The following TMEM41B variants were observed in gnomAD, a reference collection of about 807,000 sequenced individuals.
TMEM41B encodes protein stasimon.
TMEM41B carries 18 observed loss-of-function variants against 31.9 expected under a neutral mutation model. The observed-to-expected ratio is 0.56, with a 90% CI of 0.39 to 0.84. The LOEUF is 0.84. Among genes scored for constraint, TMEM41B ranks in the 40% least tolerant of loss-of-function variants. The pLI, the probability that TMEM41B is intolerant of heterozygous loss-of-function variation, is 0.00. For missense variants in TMEM41B, 322 were observed against 348.0 expected (o/e 0.93, Z 0.59); for synonymous variants, 144 against 124.3 (o/e 1.16, Z -1.05).
intron 3 of TMEM41B, among the ~76,000 whole-genome samples, chr11:9,291,972 C>T (rs1455397551): frequency 1.3e-5 from 2 of 152,158 alleles, no homozygotes; most frequent in African/African-American, 4.8e-5. Flanking sequence ...TCCCAAAGTA[C>T]TGGAATTATA....
At chr11:9,308,821 A>G (rs1853462551) in intron 1 of TMEM41B, among the ~76,000 whole-genome samples, 1 of 152,242 alleles carries the variant, frequency 6.6e-6, no homozygotes, top group Admixed American at 6.5e-5. Flanking sequence ...TAATCAGTGA[A>G]TAGCAAGACT....
At chr11:9,283,651 A>G in intron 6 of TMEM41B, 58 bp from the exon 7 acceptor site, 9 of 1,471,402 alleles carry the variant, frequency 6.1e-6, no homozygotes, top group Admixed American at 2.4e-5. Context: ...TTAAAAAATT[A>G]AAATGTTCTG....
At chr11:9,291,359 G>C (rs183872609) in intron 3 of TMEM41B, among the ~76,000 whole-genome samples, 50 of 151,912 alleles carry the variant, frequency 3.3e-4, no homozygotes, top group African/African-American at 1.2e-3. Flanking sequence ...TCCAGCCTGG[G>C]AAACAGAGTG....
chr11:9,298,098 C>CCTCTTT (rs1349629674), intron 2 of TMEM41B, among the ~76,000 whole-genome samples: 1 of 150,382 alleles, frequency 6.6e-6, no homozygotes, highest in African/African-American at 2.4e-5. Flanking sequence ...GGTGTGAGCC[C>CCTCTTT]CTCTTTCTCA....
intron 3 of TMEM41B, among the ~76,000 whole-genome samples, chr11:9,291,729 G>C (rs899564578): frequency 6.7e-6 from 1 of 150,334 alleles, no homozygotes; most frequent in African/African-American, 2.5e-5. Flanking sequence ...CGTTTTTGTG[G>C]TAGGAGTCTC....
At chr11:9,293,435 C>T (rs1289856101) in intron 3 of TMEM41B, among the ~76,000 whole-genome samples, 1 of 144,632 alleles carries the variant, frequency 6.9e-6, no homozygotes, top group African/African-American at 2.5e-5. Context: ...TAACAAGATA[C>T]TTATGTATAT....
intron 1 of TMEM41B, among the ~76,000 whole-genome samples, chr11:9,303,659 T>C (rs895866487): frequency 2.8e-5 from 4 of 141,502 alleles, no homozygotes; most frequent in Admixed American, 2.1e-4. Flanking sequence ...TCTTTTTTTT[T>C]TTTTTTTTTT....
chr11:9,286,480 T>C lies in TMEM41B; in HGVS notation c.681A>G (p.Lys227=). 6.2e-7 allele frequency: 1 copy of C among 1,611,416 alleles called. No homozygotes were observed. The highest frequency in any genetic ancestry group is 8.5e-7 in the Non-Finnish European group (1 of 1,179,268). Residue 227 remains lysine (K), a synonymous_variant, in exon 6 of 7, where the codon AAA becomes AAG. Coordinates refer to ENST00000528080, the MANE Select transcript of TMEM41B (RefSeq NM_015012.4). ...ITSPVINVPL[K]VFFIGTFLGV... The stretch of plus-strand genomic sequence containing the variant: ...CTAGAAAAGTACCAATAAAAAAAAC[T>C]TTCAATGGCACGTTTATCACAGGAG...
chr11:9,296,551 G>A (rs12574882), intron 2 of TMEM41B, among the ~76,000 whole-genome samples: 47,438 of 147,982 alleles, frequency 0.32, 8,494 homozygotes, highest in South Asian at 0.5. Flanking sequence ...ACTTGAACCC[G>A]GGAGGCAGAG....
chr11:9,291,016 T>A (rs1259635717), intron 3 of TMEM41B, among the ~76,000 whole-genome samples: 1 of 151,972 alleles, frequency 6.6e-6, no homozygotes, highest in Non-Finnish European at 1.5e-5. Flanking sequence ...CTCAGGAGGC[T>A]GGGAAACGAG....
rs369799343 is a variant in TMEM41B at position 9,299,577 on chromosome 11, T to C, written c.239+7A>G. On this transcript the variant is annotated splice_region_variant and intron_variant, in intron 2 of 6. Coordinates refer to ENST00000528080, the MANE Select transcript of TMEM41B (RefSeq NM_015012.4). ...TACATTTTCAGTTTATCTCTCAGTATACTTACTCACTAAGCTGAGGAAAAT... is the reference window on the plus strand; with the variant it reads ...TACATTTTCAGTTTATCTCTCAGTACACTTACTCACTAAGCTGAGGAAAAT... The C allele has an allele frequency of 5.3e-6, 8 of 1,517,996 alleles. No homozygotes were observed. Among genetic ancestry groups the C allele is most frequent in the Non-Finnish European group, 7.3e-6 (8 of 1,098,710 alleles). 94.0% of individuals were successfully genotyped at this position (1,517,996 alleles called of 1,614,324 possible).
intron 1 of TMEM41B, chr11:9,311,167 G>T: frequency 8.2e-7 from 1 of 1,213,166 alleles, no homozygotes; most frequent in South Asian, 1.4e-5. Context: ...GCTCAGGCGG[G>T]GGTAGGGTGT....
At chr11:9,288,873 T>C (rs982362359) in intron 3 of TMEM41B, among the ~76,000 whole-genome samples, 2 of 152,204 alleles carry the variant, frequency 1.3e-5, no homozygotes, top group East Asian at 3.8e-4. Flanking sequence ...AGGGAAATCA[T>C]GTACATACAA....
intron 1 of TMEM41B, among the ~76,000 whole-genome samples, chr11:9,308,515 T>C (rs1853455412): frequency 6.6e-6 from 1 of 152,186 alleles, no homozygotes; most frequent in Admixed American, 6.5e-5. Context: ...AGAAGTATCA[T>C]CTGAACTAGC....
At chr11:9,283,734 T>C in intron 6 of TMEM41B, 141 bp from the exon 7 acceptor site, 1 of 691,014 alleles carries the variant, frequency 1.4e-6, no homozygotes, top group East Asian at 3.0e-5. Context: ...AAAGCTCAAG[T>C]TTATTTCCAT....
chr11:9,311,151 G>GGT (rs990936186), intron 1 of TMEM41B: 3 of 1,062,442 alleles, frequency 2.8e-6, no homozygotes, highest in African/African-American at 1.6e-5. Context: ...TCAACAGCAG[G>GGT]GTGAAGCTCA....
chr11:9,283,415 T>C lies in TMEM41B; in HGVS notation c.*9A>G, dbSNP rs1157027456. The C allele has an allele frequency of 5.6e-6, 9 of 1,600,734 alleles. No individual in the cohort carries two copies. The Admixed American group carries it at 7.0e-5, about 12-fold the overall frequency. On this transcript the variant is annotated 3_prime_UTR_variant, in exon 7 of 7. Transcript: ENST00000528080. ...GATGACAGCAAAACTAAAAATCAGA[T>C]GATTATTTTTACTCAAATTTCTGCT... is the stretch of plus-strand genomic sequence containing the variant.
chr11:9,314,220 C>T (rs1165034496), intron 1 of TMEM41B, 101 bp downstream of exon 1: 2 of 1,391,264 alleles, frequency 1.4e-6, no homozygotes, highest in Non-Finnish European at 9.4e-7. Context: ...GCAGGCCCCC[C>T]TCTTTCCCCG....
intron 3 of TMEM41B, 59 bp from the exon 4 acceptor site, chr11:9,288,594 G>GT: frequency 8.0e-7 from 1 of 1,243,048 alleles, no homozygotes; most frequent in Non-Finnish European, 1.1e-6. Context: ...AAAGACAAAT[G>GT]TAACATTTCA....
Sources: allele counts gnomAD v4.1 joint callset (sites outside exome capture counted in the v4.1 genomes callset), GRCh38; gene constraint gnomAD v4.1.1; transcripts MANE v1.5; gene names NCBI Gene and HGNC (gene_info 2026-07-23, HGNC 2026-07-21).